Variants in CFAP61 observed in about 807,000 individuals in gnomAD.
CFAP61 encodes the protein cilia and flagella associated protein 61.
Under a neutral mutation model 135.6 loss-of-function variants are expected in CFAP61, and 107 were observed. The ratio of observed to expected loss-of-function variants is 0.79; its 90% CI spans 0.67 to 0.93. CFAP61 has a LOEUF of 0.93. Ranked by LOEUF, CFAP61 falls within the 40% of genes least tolerant of loss-of-function variation. The pLI, the probability that CFAP61 is intolerant of heterozygous loss-of-function variation, is 0.00. For synonymous variants in CFAP61, 575 were observed against 578.5 expected (o/e 0.99, Z 0.09); for missense variants, 1,507 against 1,556.2 (o/e 0.97, Z 0.53).
At chr20:20,272,045 G>C (rs1475925311) in intron 21 of CFAP61, among the ~76,000 whole-genome samples, 1 of 152,140 alleles carries the variant, frequency 6.6e-6, no homozygotes, top group African/African-American at 2.4e-5. Flanking sequence ...AGGTATACAT[G>C]AATTAAATTC....
chr20:20,358,520 AG>A (rs2059358034), intron 26 of CFAP61, among the ~76,000 whole-genome samples: 1 of 152,222 alleles, frequency 6.6e-6, no homozygotes, highest in Admixed American at 6.5e-5. Context: ...AAATTAAGGA[AG>A]AAAGAGCCAA....
chr20:20,287,322 G>A (rs1569244737), intron 22 of CFAP61, among the ~76,000 whole-genome samples: 1 of 152,202 alleles, frequency 6.6e-6, no homozygotes, highest in Non-Finnish European at 1.5e-5. Flanking sequence ...AGAGATGATG[G>A]ATCTGAGTGC....
intron 8 of CFAP61, among the ~76,000 whole-genome samples, chr20:20,110,774 C>T (rs1245718789): frequency 1.3e-5 from 2 of 152,106 alleles, no homozygotes; most frequent in African/African-American, 2.4e-5. Context: ...GCTCCAAGCA[C>T]GAGGCCCATA....
intron 2 of CFAP61, among the ~76,000 whole-genome samples, chr20:20,070,247 T>C (rs1361083334): frequency 6.6e-6 from 1 of 152,232 alleles, no homozygotes; most frequent in East Asian, 1.9e-4. Flanking sequence ...TTTCTGCAGC[T>C]GGGTCAGATG....
intron 14 of CFAP61, among the ~76,000 whole-genome samples, chr20:20,188,581 C>G (rs140335335): frequency 3.3e-5 from 5 of 152,212 alleles, no homozygotes; most frequent in Non-Finnish European, 7.3e-5. Context: ...GGTTCTCTTT[C>G]TAGTGTAGTA....
chr20:20,187,278 G>A (rs1004210198), intron 13 of CFAP61, among the ~76,000 whole-genome samples: 4 of 152,210 alleles, frequency 2.6e-5, no homozygotes, highest in African/African-American at 9.6e-5. Flanking sequence ...GCAGAAGGAG[G>A]AGGCAGCTGT....
chr20:20,296,317 TCCTTCCTTC>T (rs1419502603), intron 24 of CFAP61, among the ~76,000 whole-genome samples: 131 of 51,336 alleles, frequency 2.6e-3, no homozygotes, highest in African/African-American at 0.016. Flanking sequence ...CTTCCTTCCC[TCCTTCCTTC>T]CCTTCCTTCC....
At chr20:20,241,975 T>G (rs2050043083) in intron 18 of CFAP61, among the ~76,000 whole-genome samples, 1 of 152,224 alleles carries the variant, frequency 6.6e-6, no homozygotes, top group Non-Finnish European at 1.5e-5. Flanking sequence ...TCTTATCAAA[T>G]AAGAATATTC....
intron 18 of CFAP61, among the ~76,000 whole-genome samples, chr20:20,232,109 G>A (rs1012117443): frequency 6.6e-6 from 1 of 152,210 alleles, no homozygotes. Context: ...GCCAAGCAGT[G>A]TTGCAGCCCT....
chr20:20,113,138 T>A lies in CFAP61; in HGVS notation c.859+14324T>A, dbSNP rs111981589. On this transcript the variant is annotated intron_variant, in intron 8 of 26. Transcript: ENST00000245957. ...TTTCAAAGAGAATGTGCATTCTCTG[T>A]TTATAAGGCTCAAACTTATGTATAG... Among the ~76,000 whole-genome samples, 18 of 152,324 alleles carry A rather than the reference T, an allele frequency of 1.2e-4. 1 individual carries two copies. The highest frequency in any genetic ancestry group is 4.1e-4 in the African/African-American group (17 of 41,586).
intron 10 of CFAP61, 120 bp from the exon 11 acceptor site, chr20:20,163,930 C>G: frequency 1.4e-6 from 1 of 698,652 alleles, no homozygotes; most frequent in Non-Finnish European, 2.2e-6. Flanking sequence ...TGAGTTGTTT[C>G]GGGTGACAGT....
chr20:20,306,037 A>G (rs2056451876), intron 25 of CFAP61, among the ~76,000 whole-genome samples: 1 of 152,152 alleles, frequency 6.6e-6, no homozygotes. Context: ...GTCTGTTCTT[A>G]TTGGCGATCC....
chr20:20,199,810 T>C lies in CFAP61; in HGVS notation c.1840T>C (p.Tyr614His). The C allele has an allele frequency of 6.2e-7, 1 of 1,614,130 alleles. No homozygotes were observed. Among genetic ancestry groups the C allele is most frequent in the Non-Finnish European group, 8.5e-7 (1 of 1,179,996 alleles). Residue 614 changes from tyrosine (Y) to histidine (H), a missense_variant, in exon 17 of 27, where the codon TAC becomes CAC. By Grantham distance (83) the Tyr-to-His change is moderately conservative. Coordinates refer to ENST00000245957, the MANE Select transcript of CFAP61 (RefSeq NM_015585.4). ...CCACTCCCTGACATCTGCCCTTCAT[T>C]ACTTGGTTCCCGTGCGACCACGACG... Reference protein sequence around the residue: ...YAHSLTSALHYLVPVRPRRQI... With the variant: ...YAHSLTSALHHLVPVRPRRQI...
rs910356322 is a variant in CFAP61, at chr20:20,183,862, C to T, written c.1386-4068C>T. Among the ~76,000 whole-genome samples, 5 of 152,148 alleles carry T rather than the reference C, an allele frequency of 3.3e-5. No individual in the cohort carries two copies. The South Asian group carries it at 1.0e-3, about 32-fold the overall frequency. On this transcript the variant is annotated intron_variant, in intron 13 of 26. Transcript: ENST00000245957. Reference sequence around the variant, plus strand: ...GTGTCATTTTAGAGGAGGGCACAAACATACAGCCATAGCCCGTTCCTCCCC... The same window carrying T: ...GTGTCATTTTAGAGGAGGGCACAAATATACAGCCATAGCCCGTTCCTCCCC...
chr20:20,234,434 G>A (rs148194385), intron 18 of CFAP61, among the ~76,000 whole-genome samples: 285 of 152,268 alleles, frequency 1.9e-3, no homozygotes, highest in African/African-American at 6.4e-3. Flanking sequence ...TGGCATAGAC[G>A]ATGATGGAGA....
At chr20:20,248,013 A>C (rs571223310) in intron 19 of CFAP61, among the ~76,000 whole-genome samples, 1 of 152,152 alleles carries the variant, frequency 6.6e-6, no homozygotes, top group South Asian at 2.1e-4. Flanking sequence ...AGAATCCTTC[A>C]ACTATAATAT....
intron 9 of CFAP61, among the ~76,000 whole-genome samples, chr20:20,154,421 A>G (rs2052709729): frequency 6.6e-6 from 1 of 152,056 alleles, no homozygotes; most frequent in Non-Finnish European, 1.5e-5. Context: ...AACTGTCGCT[A>G]TTCACTGATA....
chr20:20,187,908 A>C, intron 13 of CFAP61, 22 bp from the exon 14 acceptor site: 2 of 1,600,798 alleles, frequency 1.2e-6, no homozygotes, highest in Non-Finnish European at 1.7e-6. Context: ...TAACTTAAAA[A>C]TATATTCCTC....
chr20:20,296,297 C>CCTTCCCTCCTTCCTTCCCTTCCTTCCTT (rs2055531727), intron 24 of CFAP61, among the ~76,000 whole-genome samples: 1 of 81,260 alleles, frequency 1.2e-5, no homozygotes, highest in African/African-American at 5.6e-5. Flanking sequence ...TTCCCTCCTT[C>CCTTCCCTCCTTCCTTCCCTTCCTTCCTT]CCTTCCTTCC....
Sources: allele counts gnomAD v4.1 joint callset (sites outside exome capture counted in the v4.1 genomes callset), GRCh38; gene constraint gnomAD v4.1.1; transcripts MANE v1.5; gene names NCBI Gene and HGNC (gene_info 2026-07-23, HGNC 2026-07-21).